CWF19L2: variants seen among roughly 807,000 people sequenced by gnomAD.
The protein encoded by CWF19L2 is CWF19 like cell cycle control factor 2.
Under a neutral mutation model 111.7 loss-of-function variants are expected in CWF19L2, and 98 were observed. The ratio of observed to expected loss-of-function variants is 0.88; its 90% CI spans 0.75 to 1.04. The LOEUF (loss-of-function observed/expected upper bound fraction) is 1.04. Among genes scored for constraint, CWF19L2 ranks in the 50% least tolerant of loss-of-function variants. The pLI is 0.00. For missense variants in CWF19L2, 1,101 were observed against 1,051.4 expected (o/e 1.05, Z -0.65); for synonymous variants, 351 against 342.9 (o/e 1.02, Z -0.26).
intron 12 of CWF19L2, among the ~76,000 whole-genome samples, chr11:107,380,131 CATTATATAGAAAA>C (rs1337156860): frequency 6.9e-5 from 10 of 145,580 alleles, no homozygotes; most frequent in Admixed American, 1.4e-4. Flanking sequence ...ATTTTAGTGT[CATTATATAGAAAA>C]AAAATGGTTT....
At chr11:107,345,367 AG>A (rs1273092254) in intron 14 of CWF19L2, 1 of 365,562 alleles carries the variant, frequency 2.7e-6, no homozygotes, top group African/African-American at 2.2e-5. Flanking sequence ...GTACATAAAA[AG>A]CAACAGCAAT....
intron 4 of CWF19L2, among the ~76,000 whole-genome samples, chr11:107,442,174 C>A (rs76372747): frequency 6.6e-6 from 1 of 152,128 alleles, no homozygotes; most frequent in Non-Finnish European, 1.5e-5. Context: ...CAATCAAAAG[C>A]ATGAAAGCCT....
chr11:107,407,787 C>G (rs1861101480), intron 10 of CWF19L2, among the ~76,000 whole-genome samples: 1 of 151,970 alleles, frequency 6.6e-6, no homozygotes, highest in Non-Finnish European at 1.5e-5. Flanking sequence ...TCCAAAACAA[C>G]TACTCTACAA....
At chr11:107,404,647 A>G in intron 10 of CWF19L2, 3 of 483,630 alleles carry the variant, frequency 6.2e-6, no homozygotes, top group Admixed American at 3.0e-5. Context: ...TTACCCCAAC[A>G]GATACTTAAA....
intron 4 of CWF19L2, 104 bp downstream of exon 4, chr11:107,442,825 GGAGGGAGAGA>G: frequency 4.1e-6 from 2 of 483,534 alleles, no homozygotes; most frequent in Non-Finnish European, 7.3e-6. Flanking sequence ...GGAGGGGGAG[GGAGGGAGAGA>G]GGGACAGAGA....
chr11:107,379,155 G>T (rs1315619951), intron 12 of CWF19L2, among the ~76,000 whole-genome samples: 1 of 152,204 alleles, frequency 6.6e-6, no homozygotes, highest in Non-Finnish European at 1.5e-5. Context: ...ACAATTATAA[G>T]TATTATGGTA....
rs1860080835 is a variant in CWF19L2 at position 107,346,399 on chromosome 11, A to C, written c.2202+2538T>G. ...CTACTTGAACAAAGGAAATGAGAGA[A>C]AACACAATGACAAATCAGATCACTC... On this transcript the variant is annotated intron_variant, in intron 14 of 17. Coordinates refer to ENST00000282251, the MANE Select transcript of CWF19L2 (RefSeq NM_152434.3). Among the ~76,000 whole-genome samples, 7 of 152,196 alleles carry C rather than the reference A, an allele frequency of 4.6e-5. No individual in the cohort carries two copies. The South Asian group carries it at 1.4e-3, about 31-fold the overall frequency.
At chr11:107,370,588 G>A (rs1350873611) in intron 12 of CWF19L2, among the ~76,000 whole-genome samples, 1 of 132,460 alleles carries the variant, frequency 7.5e-6, no homozygotes, top group Non-Finnish European at 1.6e-5. Flanking sequence ...GAAAAGAGAA[G>A]AAATCACTGA....
chr11:107,413,721 T>A (rs906348292), intron 10 of CWF19L2, among the ~76,000 whole-genome samples: 17 of 152,184 alleles, frequency 1.1e-4, no homozygotes, highest in Non-Finnish European at 4.4e-5. Flanking sequence ...AGAAACTTTT[T>A]AAAAATATTA....
chr11:107,353,795 A>T lies in CWF19L2; in HGVS notation c.1873-59T>A, dbSNP rs1860194778. On this transcript the variant is annotated intron_variant, in intron 12 of 17. Coordinates refer to ENST00000282251, the MANE Select transcript of CWF19L2 (RefSeq NM_152434.3). ...AAGGTAGTGATTAAGATTTTACTGCACTGTGGTATCCTAAATCTGTATCTG... is the reference window on the plus strand; with the variant it reads ...AAGGTAGTGATTAAGATTTTACTGCTCTGTGGTATCCTAAATCTGTATCTG... 6.3e-6 allele frequency: 8 copies of T among 1,268,452 alleles called. No homozygotes were observed. The East Asian group carries it at 1.9e-4, about 29-fold the overall frequency. 78.6% of individuals were successfully genotyped at this position (1,268,452 alleles called of 1,614,324 possible). A position where few individuals can be genotyped will look rare whatever the true frequency, so the allele number is the denominator to read the frequency against.
intron 3 of CWF19L2, among the ~76,000 whole-genome samples, chr11:107,448,947 T>C (rs1861740001): frequency 6.6e-6 from 1 of 150,970 alleles, no homozygotes; most frequent in African/African-American, 2.4e-5. Flanking sequence ...GACAGTAGAA[T>C]AAACACAAAG....
chr11:107,349,895 C>T (rs1014985817), intron 13 of CWF19L2, among the ~76,000 whole-genome samples: 2 of 151,942 alleles, frequency 1.3e-5, no homozygotes, highest in Admixed American at 6.6e-5. Flanking sequence ...ATGGGTATGT[C>T]TATAGACAAC....
At chr11:107,403,263 T>C (rs1432439563) in intron 10 of CWF19L2, 3 of 382,468 alleles carry the variant, frequency 7.8e-6, no homozygotes, top group South Asian at 3.3e-5. Flanking sequence ...TAAAAAAAAC[T>C]GTATTTATCT....
intron 17 of CWF19L2, among the ~76,000 whole-genome samples, chr11:107,329,052 G>T (rs559955950): frequency 1.7e-4 from 26 of 152,246 alleles, no homozygotes; most frequent in Middle Eastern, 3.4e-3. Context: ...TGGGGAGCAG[G>T]GTGGAGAACA....
At chr11:107,448,357 A>G (rs1486329687) in intron 3 of CWF19L2, among the ~76,000 whole-genome samples, 1 of 150,888 alleles carries the variant, frequency 6.6e-6, no homozygotes, top group East Asian at 1.9e-4. Flanking sequence ...AAAAAAAAAA[A>G]AAAAAAAAAA....
intron 10 of CWF19L2, chr11:107,403,431 C>A: frequency 1.3e-6 from 1 of 765,442 alleles, no homozygotes. Flanking sequence ...GGTAGGGGAT[C>A]TGTCGGTGGC....
chr11:107,347,338 T>A (rs1860094562), intron 14 of CWF19L2, among the ~76,000 whole-genome samples: 1 of 152,174 alleles, frequency 6.6e-6, no homozygotes, highest in Non-Finnish European at 1.5e-5. Flanking sequence ...AGTCAAATCT[T>A]TTTTTAATAT....
intron 3 of CWF19L2, among the ~76,000 whole-genome samples, chr11:107,450,166 G>A (rs1472215427): frequency 6.6e-6 from 1 of 151,752 alleles, no homozygotes; most frequent in Non-Finnish European, 1.5e-5. Context: ...CACTTTGGGA[G>A]TCCCAGGTGG....
At chr11:107,356,753 C>T (rs1406665038) in intron 12 of CWF19L2, among the ~76,000 whole-genome samples, 1 of 152,092 alleles carries the variant, frequency 6.6e-6, no homozygotes, top group Admixed American at 6.5e-5. Context: ...AAAACTGAGG[C>T]TAGGCCAGGC....
Sources: gnomAD v4.1 joint callset for allele counts (sites outside exome capture counted in the v4.1 genomes callset) on GRCh38, gnomAD v4.1.1 for gene constraint, MANE v1.5 for transcripts, NCBI Gene and HGNC (gene_info 2026-07-23, HGNC 2026-07-21) for gene names.